DLG2: variants seen among roughly 807,000 people sequenced by gnomAD.
DLG2 encodes disks large homolog 2.
A neutral mutation model predicts 132.5 loss-of-function variants in DLG2; 45 were observed. The observed-to-expected ratio is 0.34, with a 90% CI of 0.27 to 0.44. The LOEUF (loss-of-function observed/expected upper bound fraction) is 0.44. Ranked by LOEUF, DLG2 falls within the 20% of genes least tolerant of loss-of-function variation. The probability of loss-of-function intolerance (pLI) is 1.00; values close to 1 mark genes in which losing one functional copy is unlikely to be tolerated. For synonymous variants in DLG2, 424 were observed against 419.6 expected (o/e 1.01, Z -0.13); for missense variants, 1,045 against 1,196.9 (o/e 0.87, Z 1.87).
Position 83,520,639 on chromosome 11 carries a change from G to GTAGATAGA in DLG2, c.2193+12061_2193+12068dup, listed in dbSNP as rs71066046. ...GACAGGTAGGTAGATAGGTAGGTAG[G>GTAGATAGA]TAGATAGATAGATAGATAGATAGAT... is the stretch of plus-strand genomic sequence containing the variant. On this transcript the variant is annotated intron_variant, in intron 21 of 27. Coordinates refer to ENST00000376104, the MANE Select transcript of DLG2 (RefSeq NM_001142699.3). Among the ~76,000 whole-genome samples, 80 of 148,068 alleles carry GTAGATAGA rather than the reference G, an allele frequency of 5.4e-4. 2 individuals carry two copies. The highest frequency in any genetic ancestry group is 6.8e-4 in the Admixed American group (10 of 14,700).
At position 83,455,526 on chromosome 11, in the gene DLG2, C is replaced by CTA. The variant is rs1324073228; in HGVS notation, c.*4290_*4291dup. On this transcript the variant is annotated 3_prime_UTR_variant, in exon 28 of 28. Coordinates refer to ENST00000376104, the MANE Select transcript of DLG2 (RefSeq NM_001142699.3). ...GTCCTCATGAGTTGCTAGGGAGATA[C>CTA]TATACTCTTTAGATGATCTTTGTCT... 3.3e-5 allele frequency: 5 copies of CTA among 152,752 alleles called. No homozygotes were observed. In the East Asian group the frequency reaches 9.6e-4, roughly 29 times the overall value. 9.5% of individuals were successfully genotyped at this position (152,752 alleles called of 1,614,324 possible).
At chr11:83,561,883 C>CT (rs66514406) in intron 19 of DLG2, among the ~76,000 whole-genome samples, 17,821 of 87,410 alleles carry the variant, frequency 0.2, 2,061 homozygotes, top group African/African-American at 0.24. Context: ...GTATTTCTTT[C>CT]TTTTTTTTTT....
At chr11:83,845,551 A>T (rs2058452291) in intron 16 of DLG2, among the ~76,000 whole-genome samples, 1 of 152,232 alleles carries the variant, frequency 6.6e-6, no homozygotes, top group Non-Finnish European at 1.5e-5. Context: ...AGGACATGTT[A>T]TTAAAATAAT....
chr11:84,750,293 C>T (rs1165040479), intron 6 of DLG2, among the ~76,000 whole-genome samples: 1 of 152,006 alleles, frequency 6.6e-6, no homozygotes, highest in Non-Finnish European at 1.5e-5. Flanking sequence ...CATCCATGAG[C>T]TCTTCTTCCT....
intron 6 of DLG2, chr11:84,762,285 C>A (rs2067737237): frequency 6.6e-6 from 1 of 152,096 alleles, no homozygotes; most frequent in African/African-American, 2.4e-5. Context: ...CATCTTAAGT[C>A]TTCATATATT....
intron 6 of DLG2, among the ~76,000 whole-genome samples, chr11:85,024,680 G>C (rs993897198): frequency 6.6e-6 from 1 of 152,172 alleles, no homozygotes. Context: ...GCACTCTGTT[G>C]TCTCTGTTCC....
At chr11:84,121,127 A>C (rs2093891387) in intron 9 of DLG2, among the ~76,000 whole-genome samples, 1 of 152,222 alleles carries the variant, frequency 6.6e-6, no homozygotes, top group African/African-American at 2.4e-5. Context: ...ATATACGGTG[A>C]ACAAAACAGG....
intron 11 of DLG2, among the ~76,000 whole-genome samples, chr11:84,029,448 C>T (rs1241227920): frequency 2.0e-5 from 3 of 151,636 alleles, no homozygotes; most frequent in South Asian, 2.1e-4. Context: ...CAAAAGCGAG[C>T]GAAAATTTAA....
intron 3 of DLG2, among the ~76,000 whole-genome samples, chr11:85,481,237 G>T (rs543290313): frequency 3.3e-5 from 5 of 152,280 alleles, no homozygotes; most frequent in African/African-American, 1.2e-4. Context: ...GGGTAGAATG[G>T]TATTTGATCA....
chr11:85,112,373 C>T (rs1264108565), intron 5 of DLG2, among the ~76,000 whole-genome samples: 1 of 151,998 alleles, frequency 6.6e-6, no homozygotes, highest in Non-Finnish European at 1.5e-5. Context: ...TGTTGTAATT[C>T]CTGTAAATTT....
chr11:83,662,590 T>A (rs608653), intron 18 of DLG2, among the ~76,000 whole-genome samples: 1 of 151,914 alleles, frequency 6.6e-6, no homozygotes, highest in Non-Finnish European at 1.5e-5. Flanking sequence ...GTGATCCACA[T>A]GAGAATATTT....
intron 7 of DLG2, among the ~76,000 whole-genome samples, chr11:84,319,251 C>T (rs987624640): frequency 6.6e-6 from 1 of 151,268 alleles, no homozygotes; most frequent in Admixed American, 6.6e-5. Context: ...ATAGATTATA[C>T]CTGAAAGAAC....
chr11:83,796,410 A>G (rs368218485), intron 17 of DLG2, among the ~76,000 whole-genome samples: 1 of 152,194 alleles, frequency 6.6e-6, no homozygotes, highest in South Asian at 2.1e-4. Flanking sequence ...TTCTTCTTCT[A>G]TATGATCCTA....
intron 6 of DLG2, among the ~76,000 whole-genome samples, chr11:84,549,726 A>T (rs1045182344): frequency 2.6e-5 from 4 of 152,110 alleles, no homozygotes; most frequent in Non-Finnish European, 5.9e-5. Context: ...GGTGCTTAGG[A>T]AATATAAGAT....
chr11:84,524,083 T>C (rs1459670829), intron 7 of DLG2, among the ~76,000 whole-genome samples: 2 of 152,072 alleles, frequency 1.3e-5, no homozygotes, highest in Non-Finnish European at 2.9e-5. Context: ...TAAAATACAC[T>C]AACTCTAATG....
rs181499137 is a variant in DLG2 at position 83,729,817 on chromosome 11, C to T, written c.1825+56873G>A. Reference sequence around the variant, plus strand: ...ATGTTTTATAGTGAATCTGAGTTGCCCATTTCTATACAGATTCATTTATTG... The same window carrying T: ...ATGTTTTATAGTGAATCTGAGTTGCTCATTTCTATACAGATTCATTTATTG... On this transcript the variant is annotated intron_variant, in intron 18 of 27. Coordinates refer to ENST00000376104, the MANE Select transcript of DLG2 (RefSeq NM_001142699.3). Among the ~76,000 whole-genome samples the T allele has an allele frequency of 2.7e-4, 41 of 152,104 alleles. 1 individual carries two copies. Among genetic ancestry groups the T allele is most frequent in the African/African-American group, 9.4e-4 (39 of 41,484 alleles).
chr11:83,823,577 C>T (rs764034974), intron 17 of DLG2, among the ~76,000 whole-genome samples: 4 of 152,064 alleles, frequency 2.6e-5, no homozygotes, highest in Non-Finnish European at 4.4e-5. Flanking sequence ...TTGGCCAGAG[C>T]GCGAGATGAA....
chr11:84,903,258 C>A (rs1055976641), intron 6 of DLG2, among the ~76,000 whole-genome samples: 1 of 152,170 alleles, frequency 6.6e-6, no homozygotes. Context: ...CTTCTTTACT[C>A]TCTGAACACA....
chr11:84,642,190 T>G (rs1248031969), intron 6 of DLG2, among the ~76,000 whole-genome samples: 2 of 149,816 alleles, frequency 1.3e-5, no homozygotes, highest in Non-Finnish European at 3.0e-5. Flanking sequence ...TACAGGAGCT[T>G]GAATTACCAA....
Sources: gnomAD v4.1 joint callset for allele counts (sites outside exome capture counted in the v4.1 genomes callset) on GRCh38, gnomAD v4.1.1 for gene constraint, MANE v1.5 for transcripts, NCBI Gene and HGNC (gene_info 2026-07-23, HGNC 2026-07-21) for gene names.